Variants in ZBTB47 observed in about 807,000 individuals in gnomAD.
ZBTB47 encodes zinc finger and BTB domain containing 47.
In ZBTB47, 24 loss-of-function variants were observed where a neutral mutation model predicts 56.6. The observed-to-expected ratio is 0.42, with a 90% CI of 0.31 to 0.60. The LOEUF (loss-of-function observed/expected upper bound fraction) is 0.60. Among genes scored for constraint, ZBTB47 ranks in the 20% least tolerant of loss-of-function variants. ZBTB47 has a pLI of 0.14. For missense variants in ZBTB47, 829 were observed against 1,032.6 expected (o/e 0.80, Z 2.70); for synonymous variants, 414 against 418.9 (o/e 0.99, Z 0.14).
At position 42,659,201 on chromosome 3, in the gene ZBTB47, C is replaced by G. The variant is rs755467284; in HGVS notation, c.846C>G (p.Asp282Glu). The change falls in exon 2 of 6, where the codon GAC becomes GAG. Residue 282 changes from aspartate to glutamate, a missense_variant. Asp to Glu is a conservative substitution (Grantham distance 45, BLOSUM62 2). This residue lies in a region of ZBTB47 where 359 missense variants were observed against 359.8 expected (regional missense o/e 1.00). Coordinates refer to ENST00000232974, the MANE Select transcript of ZBTB47 (RefSeq NM_145166.4). ...GACACTCGGACGAGGAGGAGGAGGA[C>G]GACGAGGAGGAGGAGGAGGAAGAAG... ...LQRHSDEEEE[D>E]DEEEEEEEEE... 1.5e-4 allele frequency: 222 copies of G among 1,521,192 alleles called. No individual in the cohort carries two copies. The highest frequency in any genetic ancestry group is 1.8e-4 in the Non-Finnish European group (207 of 1,139,608). The allele number at this position is 1,521,192 out of a possible 1,614,324, so 94.2% of individuals were successfully genotyped here.
rs1376345004 is a variant in ZBTB47, at chr3:42,665,986, A to G, written c.*1388A>G. 1 of 152,096 alleles carries G rather than the reference A, an allele frequency of 6.6e-6. No individual in the cohort carries two copies. Among genetic ancestry groups the G allele is most frequent in the Non-Finnish European group, 1.5e-5 (1 of 67,974 alleles). The allele number at this position is 152,096 out of a possible 1,614,324, so 9.4% of individuals were successfully genotyped here. On this transcript the variant is annotated 3_prime_UTR_variant, in exon 6 of 6. Coordinates refer to ENST00000232974, the MANE Select transcript of ZBTB47 (RefSeq NM_145166.4). ...ACTCTTTGCACCTTAAACCCCCACCACTCCCCGACACTATTGCCTTCCCAG... is the reference window on the plus strand; with the variant it reads ...ACTCTTTGCACCTTAAACCCCCACCGCTCCCCGACACTATTGCCTTCCCAG...
chr3:42,658,305 G>A lies in ZBTB47; in HGVS notation c.-51G>A. 6.7e-7 allele frequency: 1 copy of A among 1,487,242 alleles called. No individual in the cohort carries two copies. The highest frequency in any genetic ancestry group is 8.9e-7 in the Non-Finnish European group (1 of 1,121,462). The allele number at this position is 1,487,242 out of a possible 1,614,324, so 92.1% of individuals were successfully genotyped here. A position where few individuals can be genotyped will look rare whatever the true frequency, so the allele number is the denominator to read the frequency against. The stretch of plus-strand genomic sequence containing the variant: ...GGTTGAGAAGACAACTGACTCCCCG[G>A]CGGCTGAGTTCTCGCTGGTGGAGGA... On this transcript the variant is annotated 5_prime_UTR_variant, in exon 2 of 6. Coordinates refer to ENST00000232974, the MANE Select transcript of ZBTB47 (RefSeq NM_145166.4).
rs1710645588 is a variant in ZBTB47, at chr3:42,656,798, T to C, written c.-81-1477T>C. ...CTCAACCACCACCACCCCTGCCCAA[T>C]CCCAGCCTACCCACTGCTCTCCTGG... On this transcript the variant is annotated intron_variant, in intron 1 of 5. Transcript: ENST00000232974. This position sits in a 1 kb window ranked among gnomAD's most constrained non-coding sequence, Gnocchi z 5.8. 6.6e-6 allele frequency among the ~76,000 whole-genome samples: 1 copy of C among 152,024 alleles called. No homozygotes were observed. Among genetic ancestry groups the C allele is most frequent in the South Asian group, 2.1e-4 (1 of 4,822 alleles).
Position 42,659,596 on chromosome 3 carries a change from C to T in ZBTB47, c.1241C>T (p.Ser414Leu), listed in dbSNP as rs555119105. 7 of 1,598,966 alleles carry T rather than the reference C, an allele frequency of 4.4e-6. No homozygotes were observed. The highest frequency in any genetic ancestry group is 2.7e-5 in the African/African-American group (2 of 74,684). The change falls in exon 2 of 6, where the codon TCG becomes TTG. Residue 414 changes from serine to leucine, a missense_variant. Ser to Leu is a moderately radical substitution (Grantham distance 145). Transcript: ENST00000232974. Reference sequence around the variant, plus strand: ...CCACCCCCTGGAGTGGCCTCTGCATCGGCCCGAGGGCCGCCAGCCACTGAT... The same window carrying T: ...CCACCCCCTGGAGTGGCCTCTGCATTGGCCCGAGGGCCGCCAGCCACTGAT... The part of the protein sequence containing the change: ...PKPPPGVASA[S>L]ARGPPATDGL...
chr3:42,665,034 A>C lies in ZBTB47; in HGVS notation c.*436A>C. 6.4e-6 allele frequency: 1 copy of C among 157,376 alleles called. No homozygotes were observed. The highest frequency in any genetic ancestry group is 1.4e-5 in the Non-Finnish European group (1 of 71,880). The allele number at this position is 157,376 out of a possible 1,614,324, so 9.7% of individuals were successfully genotyped here. The stretch of plus-strand genomic sequence containing the variant: ...GGGTCAGCCTCAGCAGCCTATCCCC[A>C]TGTCCTCTATGCCCCTAATTTGCTT... On this transcript the variant is annotated 3_prime_UTR_variant, in exon 6 of 6. Coordinates refer to ENST00000232974, the MANE Select transcript of ZBTB47 (RefSeq NM_145166.4).
rs1204563629 is a variant in ZBTB47 at position 42,667,519 on chromosome 3, C to T, written c.*2921C>T. Among the ~76,000 whole-genome samples, 4 of 152,214 alleles carry T rather than the reference C, an allele frequency of 2.6e-5. No individual in the cohort carries two copies. Among genetic ancestry groups the T allele is most frequent in the Admixed American group, 1.3e-4 (2 of 15,282 alleles). Reference sequence around the variant, plus strand: ...GTACAGGCACCCCACAGCCCCAGAGCATGGGGCACAGCAGGCATGCGAGTG... The same window carrying T: ...GTACAGGCACCCCACAGCCCCAGAGTATGGGGCACAGCAGGCATGCGAGTG... On this transcript the variant is annotated 3_prime_UTR_variant, in exon 6 of 6. Coordinates refer to ENST00000232974, the MANE Select transcript of ZBTB47 (RefSeq NM_145166.4).
In ZBTB47 at chr3:42,666,988, C is replaced by G. The variant is rs1259449998; in HGVS notation, c.*2390C>G. On this transcript the variant is annotated 3_prime_UTR_variant, in exon 6 of 6. Transcript: ENST00000232974. ...ACTTGGGCCATTGTTGGTGGGGGCT[C>G]CTTTCCGGCCAGACCACAAGGCCAG... Among the ~76,000 whole-genome samples the G allele has an allele frequency of 6.6e-6, 1 of 152,248 alleles. No individual in the cohort carries two copies. The highest frequency in any genetic ancestry group is 1.5e-5 in the Non-Finnish European group (1 of 68,040).
chr3:42,664,188 G>C (rs760026359), intron 5 of ZBTB47, 49 bp from the exon 6 acceptor site: 29 of 1,601,302 alleles, frequency 1.8e-5, no homozygotes, highest in Non-Finnish European at 2.0e-5. Flanking sequence ...CCCAGACTGG[G>C]GTGTGGCGAC....
chr3:42,666,070 C>T lies in ZBTB47; in HGVS notation c.*1472C>T, dbSNP rs1710785293. 1.3e-5 allele frequency among the ~76,000 whole-genome samples: 2 copies of T among 152,212 alleles called. No individual in the cohort carries two copies. The highest frequency in any genetic ancestry group is 2.9e-5 in the Non-Finnish European group (2 of 68,042). On this transcript the variant is annotated 3_prime_UTR_variant, in exon 6 of 6. Transcript: ENST00000232974. Reference sequence around the variant, plus strand: ...GGGAATGGTTAGGGGGACTGAACCCCTCTGACCTTATGAGGCCCATGGCAC... The same window carrying T: ...GGGAATGGTTAGGGGGACTGAACCCTTCTGACCTTATGAGGCCCATGGCAC...
rs548527268 is a variant in ZBTB47, at chr3:42,658,711, C to G, written c.356C>G (p.Pro119Arg). 6.5e-7 allele frequency: 1 copy of G among 1,535,236 alleles called. No homozygotes were observed. Among genetic ancestry groups the G allele is most frequent in the Non-Finnish European group, 8.7e-7 (1 of 1,146,428 alleles). Reference protein sequence around the residue: ...LDARSLGPPGPGTVALAQPAA... With the variant: ...LDARSLGPPGRGTVALAQPAA... ...GCCCGCTCTCTAGGCCCACCAGGTC[C>G]GGGCACTGTGGCCCTGGCCCAGCCG... The change falls in exon 2 of 6, where the codon CCG (proline) becomes CGG (arginine). Residue 119 changes from proline (P) to arginine (R), a missense_variant. By Grantham distance (103) the Pro-to-Arg change is moderately radical. This residue lies in a region of ZBTB47 where 120 missense variants were observed against 200.2 expected (regional missense o/e 0.60). Coordinates refer to ENST00000232974, the MANE Select transcript of ZBTB47 (RefSeq NM_145166.4).
rs751553727 is a variant in ZBTB47, at chr3:42,659,002, TGGA to T, written c.651_653del (p.Glu219del). On this transcript the variant is annotated inframe_deletion, in exon 2 of 6. Transcript: ENST00000232974. ...TGCAAGCTGGAGGGTGGAGAAGAGT[TGGA>T]GGAAGAGCTTGGGGGTTCTGGCACC... The T allele has an allele frequency of 2.1e-4, 317 of 1,529,004 alleles. 1 individual carries two copies. The highest frequency in any genetic ancestry group is 2.6e-4 in the Non-Finnish European group (299 of 1,143,536). 94.7% of individuals were successfully genotyped at this position (1,529,004 alleles called of 1,614,324 possible). A position where few individuals can be genotyped will look rare whatever the true frequency, so the allele number is the denominator to read the frequency against.
rs751396719 is a variant in ZBTB47, at chr3:42,659,166, G to C, written c.811G>C (p.Gly271Arg). The change falls in exon 2 of 6, where the codon GGG (glycine) becomes CGG (arginine). Residue 271 changes from glycine (G) to arginine (R), a missense_variant. This residue lies in a region of ZBTB47 where 359 missense variants were observed against 359.8 expected (regional missense o/e 1.00). Coordinates refer to ENST00000232974, the MANE Select transcript of ZBTB47 (RefSeq NM_145166.4). ...CACCGTGGTTCTGGGCCGGGAGGAC[G>C]GGCTGCAGAGACACTCGGACGAGGA... Reference protein sequence around the residue: ...PATVVLGREDGLQRHSDEEEE... With the variant: ...PATVVLGREDRLQRHSDEEEE... 1.5e-4 allele frequency: 229 copies of C among 1,519,788 alleles called. No individual in the cohort carries two copies. Among genetic ancestry groups the C allele is most frequent in the Admixed American group, 2.6e-4 (13 of 49,820 alleles). 94.1% of individuals were successfully genotyped at this position (1,519,788 alleles called of 1,614,324 possible). A position where few individuals can be genotyped will look rare whatever the true frequency, so the allele number is the denominator to read the frequency against.
In ZBTB47 at chr3:42,664,527, CA is replaced by C; in HGVS notation, c.2174del (p.His725ProfsTer19). On this transcript the variant is annotated frameshift_variant, in exon 6 of 6. Coordinates refer to ENST00000232974, the MANE Select transcript of ZBTB47 (RefSeq NM_145166.4). LOFTEE classifies it low-confidence loss of function (END_TRUNC). ...GCCCCAGACCCTGCCGCCCCCGCCC[CA>C]CCTGCCGCCCCCGCCTCCGCTCTTC... ...GLPQTLPPPPHLPPPPPLFPT... is the reference protein window; with the variant it reads ...GLPQTLPPPPXLPPPPPLFPT... The C allele has an allele frequency of 7.1e-7, 1 of 1,411,858 alleles. No homozygotes were observed. The highest frequency in any genetic ancestry group is 9.2e-7 in the Non-Finnish European group (1 of 1,092,774). 87.5% of individuals were successfully genotyped at this position (1,411,858 alleles called of 1,614,324 possible). A position where few individuals can be genotyped will look rare whatever the true frequency, so the allele number is the denominator to read the frequency against.
rs774578932 is a variant in ZBTB47 at position 42,659,295 on chromosome 3, G to A, written c.940G>A (p.Glu314Lys). 2 of 1,486,490 alleles carry A rather than the reference G, an allele frequency of 1.3e-6. No homozygotes were observed. Among genetic ancestry groups the A allele is most frequent in the South Asian group, 1.2e-5 (1 of 82,026 alleles). The allele number at this position is 1,486,490 out of a possible 1,614,324, so 92.1% of individuals were successfully genotyped here. A position where few individuals can be genotyped will look rare whatever the true frequency, so the allele number is the denominator to read the frequency against. The change falls in exon 2 of 6, where the codon GAG becomes AAG. Residue 314 changes from glutamate (E) to lysine (K), a missense_variant. Coordinates refer to ENST00000232974, the MANE Select transcript of ZBTB47 (RefSeq NM_145166.4). ...EEEEGGSQGE[E>K]EEEEEDGHSE... is the part of the protein sequence containing the mutation. ...GGAAGAGGGTGGCAGTCAGGGAGAAGAGGAAGAAGAGGAGGAGGACGGGCA... is the reference window on the plus strand; with the variant it reads ...GGAAGAGGGTGGCAGTCAGGGAGAAAAGGAAGAAGAGGAGGAGGACGGGCA...
Position 42,658,549 on chromosome 3 carries a change from G to C in ZBTB47, c.194G>C (p.Gly65Ala), listed in dbSNP as rs1178346523. 2.6e-6 allele frequency: 4 copies of C among 1,537,076 alleles called. No homozygotes were observed. Among genetic ancestry groups the C allele is most frequent in the Non-Finnish European group, 3.5e-6 (4 of 1,146,928 alleles). Residue 65 changes from glycine to alanine, a missense_variant, in exon 2 of 6, where the codon GGT (glycine) becomes GCT (alanine). This residue lies in a region of ZBTB47 where 120 missense variants were observed against 200.2 expected (regional missense o/e 0.60). Coordinates refer to ENST00000232974, the MANE Select transcript of ZBTB47 (RefSeq NM_145166.4). Reference protein sequence around the residue: ...VELSLEALAPGGLQQILNFIY... With the variant: ...VELSLEALAPAGLQQILNFIY... ...CTGTCCCTGGAGGCACTGGCACCTG[G>C]TGGCCTGCAGCAGATCCTCAACTTC...
Position 42,656,680 on chromosome 3 carries a change from G to A in ZBTB47, c.-81-1595G>A, listed in dbSNP as rs1186007083. On this transcript the variant is annotated intron_variant, in intron 1 of 5. Transcript: ENST00000232974. This position sits in a 1 kb window ranked among gnomAD's most constrained non-coding sequence, Gnocchi z 5.8. ...GCTGGGTGTAGGGGGCAGGGTCCAG[G>A]GCAGGCCTGGAGACAGGTGGCCCCT... 6.6e-6 allele frequency among the ~76,000 whole-genome samples: 1 copy of A among 152,030 alleles called. No individual in the cohort carries two copies. The highest frequency in any genetic ancestry group is 1.5e-5 in the Non-Finnish European group (1 of 67,988).
chr3:42,664,368 T>C lies in ZBTB47; in HGVS notation c.2014T>C (p.Ser672Pro). 6.2e-7 allele frequency: 1 copy of C among 1,609,710 alleles called. No homozygotes were observed. The highest frequency in any genetic ancestry group is 8.5e-7 in the Non-Finnish European group (1 of 1,178,310). The part of the protein sequence containing the change: ...CDVCGQRFRF[S>P]NMLKAHKEKC... ...CGTGTGTGGCCAGCGCTTCCGCTTCTCCAACATGCTCAAGGCCCACAAGGA... is the reference window on the plus strand; with the variant it reads ...CGTGTGTGGCCAGCGCTTCCGCTTCCCCAACATGCTCAAGGCCCACAAGGA... Residue 672 changes from serine to proline, a missense_variant, in exon 6 of 6, where the codon TCC becomes CCC. Ser to Pro is a moderately conservative substitution (Grantham distance 74, BLOSUM62 -1). Transcript: ENST00000232974.
Position 42,667,140 on chromosome 3 carries a change from G to A in ZBTB47, c.*2542G>A, listed in dbSNP as rs2290976. Among the ~76,000 whole-genome samples, 17,257 of 152,282 alleles carry A rather than the reference G, an allele frequency of 0.11. 1,131 individuals carry two copies. Among genetic ancestry groups the A allele is most frequent in the African/African-American group, 0.15 (6,423 of 41,556 alleles). On this transcript the variant is annotated 3_prime_UTR_variant, in exon 6 of 6. Transcript: ENST00000232974. ...GTGCCCCCAGATGTCAGAATGAGGC[G>A]ACTAGGGCACCATACTCACTTTCCA... is the stretch of plus-strand genomic sequence containing the variant.
In ZBTB47 at chr3:42,654,859, C is replaced by G. The variant is rs2125835438; in HGVS notation, c.-82+976C>G. Among the ~76,000 whole-genome samples the G allele has an allele frequency of 6.6e-6, 1 of 152,106 alleles. No homozygotes were observed. The highest frequency in any genetic ancestry group is 1.5e-5 in the Non-Finnish European group (1 of 67,962). ...GGTCCCGCGGGCCGGGAATGCGGCG[C>G]TGTGGCGCTGCTCTCGGTGGGGAGG... On this transcript the variant is annotated intron_variant, in intron 1 of 5. Transcript: ENST00000232974. The surrounding 1 kb of genome is among the most constrained non-coding windows in gnomAD (Gnocchi z 5.0).
Sources: allele counts gnomAD v4.1 joint callset (sites outside exome capture counted in the v4.1 genomes callset), GRCh38; gene constraint gnomAD v4.1.1; regional missense constraint gnomAD v4.1.1; non-coding constraint Gnocchi (gnomAD v3.1); transcripts MANE v1.5; gene names NCBI Gene and HGNC (gene_info 2026-07-23, HGNC 2026-07-21).